Variants in HOOK3 observed in about 807,000 individuals in gnomAD.
HOOK3 encodes the protein hook microtubule tethering protein 3.
A neutral mutation model predicts 116.3 loss-of-function variants in HOOK3; 24 were observed. The ratio of observed to expected loss-of-function variants is 0.21; its 90% confidence interval spans 0.15 to 0.29. The LOEUF (loss-of-function observed/expected upper bound fraction) is 0.29, where lower values mean the gene tolerates loss of function less well. HOOK3 is among the 10% of genes least tolerant of loss of function. HOOK3 has a pLI of 1.00. For synonymous variants in HOOK3, 275 were observed against 283.0 expected (o/e 0.97, Z 0.28); for missense variants, 632 against 830.2 (o/e 0.76, Z 2.93).
chr8:43,005,750 G>A (rs888725221), intron 17 of HOOK3, among the ~76,000 whole-genome samples: 3 of 151,972 alleles, frequency 2.0e-5, no homozygotes, highest in Non-Finnish European at 4.4e-5. Context: ...AGGCTGGACT[G>A]CAGTGGCATG....
rs370114550 is a variant in HOOK3 at position 42,900,472 on chromosome 8, T to A, written c.57+3284T>A. Among the ~76,000 whole-genome samples the A allele has an allele frequency of 1.1e-4, 16 of 152,366 alleles. No homozygotes were observed. The East Asian group carries it at 1.9e-3, about 18-fold the overall frequency. On this transcript the variant is annotated intron_variant, in intron 1 of 21. Transcript: ENST00000307602. ...ACCTAGCAACATTAATATGTCCTTA[T>A]TGTTTTCATATTACTTATTTGGCAG...
chr8:42,951,482 T>G (rs906652320), intron 6 of HOOK3, among the ~76,000 whole-genome samples: 3 of 152,220 alleles, frequency 2.0e-5, no homozygotes, highest in African/African-American at 7.2e-5. Flanking sequence ...AATATTTACG[T>G]TTTAAATGTA....
chr8:42,923,971 T>A (rs1807712725), intron 2 of HOOK3, among the ~76,000 whole-genome samples: 1 of 152,224 alleles, frequency 6.6e-6, no homozygotes, highest in Admixed American at 6.5e-5. Context: ...TAATTTTTCT[T>A]TTTTCAGAAT....
chr8:42,986,228 C>T (rs530141753), intron 14 of HOOK3, among the ~76,000 whole-genome samples: 122 of 152,190 alleles, frequency 8.0e-4, no homozygotes, highest in Middle Eastern at 3.4e-3. Flanking sequence ...TTACATATTT[C>T]AGGAATGGGT....
intron 4 of HOOK3, among the ~76,000 whole-genome samples, chr8:42,937,681 T>C (rs1807999799): frequency 6.6e-6 from 1 of 152,218 alleles, no homozygotes; most frequent in African/African-American, 2.4e-5. Context: ...TTGTTCAGTT[T>C]CCATGTAGTT....
intron 17 of HOOK3, among the ~76,000 whole-genome samples, chr8:43,003,329 G>C (rs1456115970): frequency 1.3e-5 from 2 of 152,150 alleles, no homozygotes; most frequent in Non-Finnish European, 2.9e-5. Flanking sequence ...CGACAGATTT[G>C]CTAGCAATTC....
rs1430960133 is a variant in HOOK3 at position 43,020,507 on chromosome 8, G to T, written c.*2009G>T. 1 of 180,764 alleles carries T rather than the reference G, an allele frequency of 5.5e-6. No individual in the cohort carries two copies. Among genetic ancestry groups the T allele is most frequent in the Non-Finnish European group, 1.2e-5 (1 of 84,732 alleles). The allele number at this position is 180,764 out of a possible 1,614,324, so 11.2% of individuals were successfully genotyped here. A position where few individuals can be genotyped will look rare whatever the true frequency, so the allele number is the denominator to read the frequency against. On this transcript the variant is annotated 3_prime_UTR_variant, in exon 22 of 22. Transcript: ENST00000307602. ...GTGGGGGTGGATCACTTGAGGTCAGGAGTTTGAGACCAGCCTGGCCAACAT... is the reference window on the plus strand; with the variant it reads ...GTGGGGGTGGATCACTTGAGGTCAGTAGTTTGAGACCAGCCTGGCCAACAT...
intron 17 of HOOK3, among the ~76,000 whole-genome samples, chr8:43,002,567 CTT>C (rs1398619374): frequency 2.0e-5 from 3 of 152,198 alleles, no homozygotes; most frequent in Admixed American, 6.5e-5. Context: ...TGTAGTAAAA[CTT>C]TATAGATACG....
chr8:42,943,364 G>A lies in HOOK3; in HGVS notation c.319G>A (p.Gly107Arg). The A allele has an allele frequency of 6.4e-7, 1 of 1,564,432 alleles. No homozygotes were observed. The highest frequency in any genetic ancestry group is 8.7e-7 in the Non-Finnish European group (1 of 1,153,554). ...TACCCTTCCTGATGTGAACCTTATT[G>A]GGGAGCATTCTGATGCAGCAGAGCT... ...DFTLPDVNLI[G>R]EHSDAAELGR... The change falls in exon 5 of 22, where the codon GGG becomes AGG. Residue 107 changes from glycine to arginine, a missense_variant. By Grantham distance (125) the Gly-to-Arg change is moderately radical (BLOSUM62 -2). Coordinates refer to ENST00000307602, the MANE Select transcript of HOOK3 (RefSeq NM_032410.4).
chr8:42,964,924 C>T (rs1236708244), intron 9 of HOOK3, among the ~76,000 whole-genome samples: 1 of 152,214 alleles, frequency 6.6e-6, no homozygotes. Context: ...CCTCACACAA[C>T]ATGAAACTAC....
chr8:42,948,857 A>G (rs1380862097), intron 5 of HOOK3, among the ~76,000 whole-genome samples: 3 of 152,240 alleles, frequency 2.0e-5, no homozygotes, highest in Non-Finnish European at 4.4e-5. Context: ...CTGTTGGCCT[A>G]AGAACAATGC....
intron 2 of HOOK3, among the ~76,000 whole-genome samples, chr8:42,918,026 A>G (rs939887167): frequency 6.6e-6 from 1 of 152,250 alleles, no homozygotes; most frequent in Non-Finnish European, 1.5e-5. Flanking sequence ...TAAAGATGCC[A>G]TGTTAAGAAA....
At chr8:42,935,985 A>G (rs1211121125) in intron 4 of HOOK3, among the ~76,000 whole-genome samples, 1 of 152,146 alleles carries the variant, frequency 6.6e-6, no homozygotes, top group Non-Finnish European at 1.5e-5. Flanking sequence ...TTTGGGCAGG[A>G]TGGCCATTTT....
rs752907051 is a variant in HOOK3, at chr8:43,013,171, G to A, written c.1944+16G>A. On this transcript the variant is annotated intron_variant, in intron 20 of 21. Coordinates refer to ENST00000307602, the MANE Select transcript of HOOK3 (RefSeq NM_032410.4). ...CTCATTAGAGGTAGTTTACTATACT[G>A]TACAATAAAATAATTGTGTTTTGAT... is the stretch of plus-strand genomic sequence containing the variant. 3.3e-6 allele frequency: 5 copies of A among 1,529,906 alleles called. No homozygotes were observed. The highest frequency in any genetic ancestry group is 4.5e-6 in the Non-Finnish European group (5 of 1,120,484). The allele number at this position is 1,529,906 out of a possible 1,614,324, so 94.8% of individuals were successfully genotyped here.
At position 42,997,522 on chromosome 8, in the gene HOOK3, G is replaced by A. The variant is rs763229161; in HGVS notation, c.1533-28G>A. On this transcript the variant is annotated intron_variant, in intron 15 of 21. Coordinates refer to ENST00000307602, the MANE Select transcript of HOOK3 (RefSeq NM_032410.4). The stretch of plus-strand genomic sequence containing the variant: ...AAAAGGCATACGTAACTCACCACTT[G>A]GAAAATTAATGTACATTTCATTTCT... The A allele has an allele frequency of 6.9e-6, 10 of 1,456,724 alleles. No homozygotes were observed. The South Asian group carries it at 1.1e-4, about 16-fold the overall frequency. 90.2% of individuals were successfully genotyped at this position (1,456,724 alleles called of 1,614,324 possible). A position where few individuals can be genotyped will look rare whatever the true frequency, so the allele number is the denominator to read the frequency against.
At chr8:42,944,127 A>G (rs1019354777) in intron 5 of HOOK3, among the ~76,000 whole-genome samples, 2 of 152,086 alleles carry the variant, frequency 1.3e-5, no homozygotes, top group Non-Finnish European at 2.9e-5. Context: ...TAGAAATACC[A>G]CAGGAGGCTG....
chr8:42,951,615 T>C (rs1808346417), intron 6 of HOOK3, among the ~76,000 whole-genome samples: 1 of 152,146 alleles, frequency 6.6e-6, no homozygotes, highest in Non-Finnish European at 1.5e-5. Flanking sequence ...GAAAAGCGTA[T>C]GCAGGACATG....
chr8:42,907,116 T>G (rs1372826286), intron 2 of HOOK3, among the ~76,000 whole-genome samples: 1 of 152,236 alleles, frequency 6.6e-6, no homozygotes, highest in Non-Finnish European at 1.5e-5. Flanking sequence ...CATGGAGGGT[T>G]TGTTGTAATT....
intron 2 of HOOK3, among the ~76,000 whole-genome samples, chr8:42,916,184 T>C (rs1209256836): frequency 3.9e-5 from 6 of 152,212 alleles, no homozygotes; most frequent in African/African-American, 1.4e-4. Flanking sequence ...CCCACCCTTT[T>C]TAATATTGCC....
Sources: allele counts gnomAD v4.1 joint callset (sites outside exome capture counted in the v4.1 genomes callset), GRCh38; gene constraint gnomAD v4.1.1; transcripts MANE v1.5; gene names NCBI Gene and HGNC (gene_info 2026-07-23, HGNC 2026-07-21).